DACH2: variants seen among roughly 807,000 people sequenced by gnomAD.
DACH2 encodes dachshund family transcription factor 2, also known as dachshund homolog 2.
A neutral mutation model predicts 35.8 loss-of-function variants in DACH2; 17 were observed. The observed-to-expected ratio is 0.48, with a 90% confidence interval of 0.33 to 0.71. The LOEUF (loss-of-function observed/expected upper bound fraction) is 0.71. Ranked by LOEUF, DACH2 falls within the 30% of genes least tolerant of loss-of-function variation. DACH2 has a pLI of 0.02. For missense variants in DACH2, 469 were observed against 472.7 expected (o/e 0.99, Z 0.07); for synonymous variants, 195 against 177.3 (o/e 1.10, Z -0.79).
At chrX:86,629,677 G>A (rs1411814846) in intron 3 of DACH2, among the ~76,000 whole-genome samples, 2 of 109,416 alleles carry the variant, frequency 1.8e-5, no homozygotes, top group Non-Finnish European at 3.8e-5. Context: ...GAGCTCAGAA[G>A]TTCAAGACCA....
intron 3 of DACH2, among the ~76,000 whole-genome samples, chrX:86,588,589 T>C (rs1054391353): frequency 1.4e-4 from 16 of 111,802 alleles, no homozygotes; most frequent in African/African-American, 4.9e-4. Flanking sequence ...TCTCCTTGGT[T>C]AGCTCTATTC....
intron 7 of DACH2, among the ~76,000 whole-genome samples, chrX:86,801,211 CA>C (rs1299598902): frequency 2.0e-5 from 2 of 98,752 alleles, no homozygotes; most frequent in Admixed American, 1.0e-4. Context: ...CTCAGTGCAT[CA>C]ATTTTTTTTT....
Position 86,814,822 on chromosome X carries a change from A to G in DACH2, c.1672A>G (p.Arg558Gly). Reference sequence around the variant, plus strand: ...AGCCACCACTAGTGACAGTGGCCTGAGGATGTTAAAAGGTAATGTCTGATT... The same window carrying G: ...AGCCACCACTAGTGACAGTGGCCTGGGGATGTTAAAAGGTAATGTCTGATT... ...KQATTSDSGL[R>G]MLKDTGIPDI... Residue 558 changes from arginine to glycine, a missense_variant, in exon 10 of 12, where the codon AGG becomes GGG. Around this residue, in one of 3 missense-constraint regions of DACH2, gnomAD observed 363 missense variants for 334.4 expected, o/e 1.09. Transcript: ENST00000373125. 8.3e-7 allele frequency: 1 copy of G among 1,206,744 alleles called. No individual in the cohort carries two copies. Among genetic ancestry groups the G allele is most frequent in the Non-Finnish European group, 1.1e-6 (1 of 893,107 alleles).
intron 3 of DACH2, among the ~76,000 whole-genome samples, chrX:86,625,939 A>G (rs1423320100): frequency 9.1e-6 from 1 of 110,427 alleles, no homozygotes; most frequent in Non-Finnish European, 1.9e-5. Flanking sequence ...ATATTATTCC[A>G]CCCCTAGTCC....
At chrX:86,298,873 T>G (rs1167717794) in intron 1 of DACH2, among the ~76,000 whole-genome samples, 1 of 112,006 alleles carries the variant, frequency 8.9e-6, no homozygotes, top group Non-Finnish European at 1.9e-5. Context: ...TAGATTTAAA[T>G]AATTTTCATA....
intron 1 of DACH2, among the ~76,000 whole-genome samples, chrX:86,319,269 CTTTAA>C (rs1196634691): frequency 3.6e-5 from 4 of 112,355 alleles, no homozygotes; most frequent in African/African-American, 9.7e-5. Context: ...AAACCTTCCA[CTTTAA>C]TTTAATTTAA....
chrX:86,647,349 A>T (rs1442920923), intron 3 of DACH2, among the ~76,000 whole-genome samples: 1 of 111,224 alleles, frequency 9.0e-6, no homozygotes, highest in Non-Finnish European at 1.9e-5. Context: ...TTCAGCTTTT[A>T]CAAAGAATGA....
intron 7 of DACH2, among the ~76,000 whole-genome samples, chrX:86,810,016 A>T (rs2042380353): frequency 9.0e-6 from 1 of 111,090 alleles, no homozygotes; most frequent in Non-Finnish European, 1.9e-5. Flanking sequence ...TTTGTATTTG[A>T]TCCTCACTGC....
At chrX:86,396,965 G>A (rs7876751) in intron 2 of DACH2, among the ~76,000 whole-genome samples, 9,694 of 110,527 alleles carry the variant, frequency 0.088, 1,102 homozygotes, top group African/African-American at 0.3. Flanking sequence ...CATTGAATCT[G>A]TAAATGACCT....
chrX:86,404,153 C>A lies in DACH2; in HGVS notation c.527+27291C>A, dbSNP rs756485045. 2.7e-5 allele frequency among the ~76,000 whole-genome samples: 3 copies of A among 110,490 alleles called. No individual in the cohort carries two copies. The East Asian group carries it at 8.6e-4, about 32-fold the overall frequency. ...AGATTTTTGTGGGGACACAACCAAA[C>A]CATATCATCCCACCCCTGGCCCCTC... On this transcript the variant is annotated intron_variant, in intron 2 of 11. Coordinates refer to ENST00000373125, the MANE Select transcript of DACH2 (RefSeq NM_053281.3).
Position 86,354,717 on chromosome X carries a change from C to A in DACH2, c.489-22107C>A, listed in dbSNP as rs1370493380. Among the ~76,000 whole-genome samples, 11 of 21,250 alleles carry A rather than the reference C, an allele frequency of 5.2e-4. 2 individuals carry two copies. Among genetic ancestry groups the A allele is most frequent in the Middle Eastern group, 0.026 (2 of 76 alleles). 18.5% of individuals were successfully genotyped at this position (21,250 alleles called of 115,157 possible). Reference sequence around the variant, plus strand: ...ATAGTATTGGGAGATATACCTAATGCTAGATGACACATTAGTGGGTGCAGC... The same window carrying A: ...ATAGTATTGGGAGATATACCTAATGATAGATGACACATTAGTGGGTGCAGC... On this transcript the variant is annotated intron_variant, in intron 1 of 11. Transcript: ENST00000373125.
At chrX:86,458,949 C>T (rs1035672118) in intron 2 of DACH2, among the ~76,000 whole-genome samples, 11 of 110,485 alleles carry the variant, frequency 1.0e-4, no homozygotes, top group African/African-American at 3.3e-4. Flanking sequence ...AGCAAACCAC[C>T]AGGGCACGTG....
intron 2 of DACH2, among the ~76,000 whole-genome samples, chrX:86,469,497 A>G (rs890785336): frequency 9.0e-6 from 1 of 111,223 alleles, no homozygotes; most frequent in Non-Finnish European, 1.9e-5. Flanking sequence ...AGTCCAACAA[A>G]GCCTAAAAGA....
At chrX:86,519,634 T>C (rs1490990715) in intron 3 of DACH2, among the ~76,000 whole-genome samples, 1 of 111,517 alleles carries the variant, frequency 9.0e-6, no homozygotes. Flanking sequence ...AGGGTGTGTA[T>C]GTCCAGGAAT....
rs1473188103 is a variant in DACH2, at chrX:86,644,234, C to T, written c.641-6802C>T. 2.7e-5 allele frequency among the ~76,000 whole-genome samples: 3 copies of T among 111,135 alleles called. No homozygotes were observed. The Admixed American group carries it at 2.9e-4, about 11-fold the overall frequency. Reference sequence around the variant, plus strand: ...ATAACTTCAGCAAAGTTGCAGGATACAAAATCAATGTACAAAAATTACTAG... The same window carrying T: ...ATAACTTCAGCAAAGTTGCAGGATATAAAATCAATGTACAAAAATTACTAG... On this transcript the variant is annotated intron_variant, in intron 3 of 11. Coordinates refer to ENST00000373125, the MANE Select transcript of DACH2 (RefSeq NM_053281.3).
chrX:86,784,672 T>C (rs569259365), intron 7 of DACH2, among the ~76,000 whole-genome samples: 3 of 111,871 alleles, frequency 2.7e-5, no homozygotes, highest in African/African-American at 9.7e-5. Flanking sequence ...TAAAGACACA[T>C]GAGTGCATAT....
chrX:86,466,899 CA>C (rs1237408436), intron 2 of DACH2, among the ~76,000 whole-genome samples: 1 of 111,136 alleles, frequency 9.0e-6, no homozygotes, highest in Non-Finnish European at 1.9e-5. Flanking sequence ...ACCAAATCCC[CA>C]GGCTGCACAC....
At chrX:86,667,549 AAAG>A (rs1569463664) in intron 4 of DACH2, among the ~76,000 whole-genome samples, 9 of 32,408 alleles carry the variant, frequency 2.8e-4, no homozygotes, top group Non-Finnish European at 3.3e-4. Flanking sequence ...AAGAAAGAAG[AAAG>A]AAAGAAAGAA....
rs372377984 is a variant in DACH2, at chrX:86,437,953, T to G, written c.527+61091T>G. ...TATATGTAAACTCATGTCCTGGGGGTTTGTTGTACGGATTATTTTGTCACC... is the reference window on the plus strand; with the variant it reads ...TATATGTAAACTCATGTCCTGGGGGGTTGTTGTACGGATTATTTTGTCACC... On this transcript the variant is annotated intron_variant, in intron 2 of 11. Transcript: ENST00000373125. Among the ~76,000 whole-genome samples the G allele has an allele frequency of 2.6e-4, 29 of 109,463 alleles. No homozygotes were observed. In the East Asian group the frequency reaches 2.9e-3, roughly 11 times the overall value.
Sources: allele counts gnomAD v4.1 joint callset (sites outside exome capture counted in the v4.1 genomes callset), GRCh38; gene constraint gnomAD v4.1.1; regional missense constraint gnomAD v4.1.1; transcripts MANE v1.5; gene names NCBI Gene and HGNC (gene_info 2026-07-23, HGNC 2026-07-21).